Variants in SGSM2 observed in about 807,000 individuals in gnomAD.
SGSM2 encodes the protein RUN and TBC1 domain containing 1.
SGSM2 carries 89 observed loss-of-function variants against 126.6 expected under a neutral mutation model. The ratio of observed to expected loss-of-function variants is 0.70; its 90% CI spans 0.59 to 0.84. The LOEUF is 0.84. Among genes scored for constraint, SGSM2 ranks in the 40% least tolerant of loss-of-function variants. SGSM2 has a pLI of 0.00. For missense variants in SGSM2, 1,404 were observed against 1,416.6 expected (o/e 0.99, Z 0.14); for synonymous variants, 614 against 574.3 (o/e 1.07, Z -0.99).
chr17:2,364,815 C>G, intron 9 of SGSM2, 82 bp from the exon 10 acceptor site: 2 of 1,579,682 alleles, frequency 1.3e-6, no homozygotes, highest in Non-Finnish European at 1.7e-6. Flanking sequence ...CATCTGCCTC[C>G]TACCCAGCCT....
intron 1 of SGSM2, among the ~76,000 whole-genome samples, chr17:2,340,742 G>A (rs954477775): frequency 4.0e-4 from 61 of 151,652 alleles, no homozygotes; most frequent in Non-Finnish European, 7.4e-4. Context: ...CTGCCACCAC[G>A]CCCGGCTAAT....
Position 2,363,553 on chromosome 17 carries a change from C to CA in SGSM2, c.762dup (p.Arg255ThrfsTer179). On this transcript the variant is annotated frameshift_variant, in exon 7 of 24. Transcript: ENST00000268989. LOFTEE classifies it high-confidence loss of function. This position sits in a 1 kb window ranked among gnomAD's most constrained non-coding sequence, Gnocchi z 4.2. ...TGTGTGGAGTCCCTGCACCAGAACT[C>CA]ACGGACGCGGCTGCTCTATGGCAAG... 1.2e-6 allele frequency: 2 copies of CA among 1,613,570 alleles called. No individual in the cohort carries two copies. Among genetic ancestry groups the CA allele is most frequent in the East Asian group, 2.2e-5 (1 of 44,880 alleles).
intron 2 of SGSM2, among the ~76,000 whole-genome samples, chr17:2,360,964 A>G (rs2065283612): frequency 1.3e-5 from 2 of 152,142 alleles, no homozygotes; most frequent in Admixed American, 1.3e-4. Flanking sequence ...ACACACATAC[A>G]CACTCCTGTC....
intron 2 of SGSM2, among the ~76,000 whole-genome samples, chr17:2,360,752 T>A (rs1269680405): frequency 1.3e-5 from 2 of 152,100 alleles, no homozygotes; most frequent in African/African-American, 2.4e-5. Context: ...CACCTCCTTC[T>A]CCCCTCAGTG....
chr17:2,363,927 G>A lies in SGSM2; in HGVS notation c.808-132G>A, dbSNP rs1033538711. 3.1e-5 allele frequency: 34 copies of A among 1,097,858 alleles called. No homozygotes were observed. The highest frequency in any genetic ancestry group is 1.8e-4 in the South Asian group (13 of 70,500). The allele number at this position is 1,097,858 out of a possible 1,614,324, so 68.0% of individuals were successfully genotyped here. On this transcript the variant is annotated intron_variant, in intron 7 of 23. Transcript: ENST00000268989. The surrounding 1 kb of genome is among the most constrained non-coding windows in gnomAD (Gnocchi z 4.2). ...TCCTGTTTTCCTGTGCTTCTGCCCCGTCCCTAGTCCAGGACCCCGTGACTA... is the reference window on the plus strand; with the variant it reads ...TCCTGTTTTCCTGTGCTTCTGCCCCATCCCTAGTCCAGGACCCCGTGACTA...
intron 1 of SGSM2, among the ~76,000 whole-genome samples, chr17:2,338,439 C>G (rs914569049): frequency 6.6e-6 from 1 of 152,138 alleles, no homozygotes; most frequent in Admixed American, 6.5e-5. Context: ...ATTTCCATTT[C>G]GGGTGGGGGG....
chr17:2,365,478 TCTCAG>T, intron 11 of SGSM2, 137 bp downstream of exon 11: 4 of 1,048,988 alleles, frequency 3.8e-6, no homozygotes, highest in Non-Finnish European at 5.3e-6. Context: ...TCGCCTAGCC[TCTCAG>T]CTGGACCTTT....
intron 12 of SGSM2, 106 bp from the exon 13 acceptor site, chr17:2,371,156 T>G (rs1444924051): frequency 7.8e-7 from 1 of 1,287,200 alleles, no homozygotes; most frequent in Non-Finnish European, 1.0e-6. Context: ...TTTCCACCCA[T>G]GGGTGACTTG....
intron 1 of SGSM2, among the ~76,000 whole-genome samples, chr17:2,338,391 C>T (rs2064185026): frequency 6.6e-6 from 1 of 152,158 alleles, no homozygotes; most frequent in Non-Finnish European, 1.5e-5. Flanking sequence ...GTCCTTCCCT[C>T]TACTAACTCC....
rs552963901 is a variant in SGSM2 at position 2,364,753 on chromosome 17, G to A, written c.1000+90G>A. The A allele has an allele frequency of 5.6e-4, 877 of 1,562,900 alleles. 1 individual carries two copies. The highest frequency in any genetic ancestry group is 9.1e-4 in the Admixed American group (54 of 59,618). On this transcript the variant is annotated intron_variant, in intron 9 of 23. Coordinates refer to ENST00000268989, the MANE Select transcript of SGSM2 (RefSeq NM_014853.3). ...GTGCGTGGGGCCTGTAAGACTCCTC[G>A]TCCTCCTCCCATCCTTGTTAATGGG...
At chr17:2,375,931 C>T in intron 18 of SGSM2, 56 bp downstream of exon 18, 3 of 1,512,584 alleles carry the variant, frequency 2.0e-6, no homozygotes, top group Non-Finnish European at 2.6e-6. Flanking sequence ...TCCTGACATC[C>T]CAGAGCTGGG....
chr17:2,361,585 C>T (rs2065309768), intron 2 of SGSM2, 52 bp from the exon 3 acceptor site: 59 of 1,589,302 alleles, frequency 3.7e-5, no homozygotes, highest in Non-Finnish European at 4.5e-5. Context: ...AGCTTTTCTT[C>T]CTGCTCCCCC....
At chr17:2,373,116 TG>T in intron 16 of SGSM2, 35 bp downstream of exon 16, 2 of 1,586,982 alleles carry the variant, frequency 1.3e-6, no homozygotes, top group Non-Finnish European at 1.7e-6. Flanking sequence ...GCTGATGAGA[TG>T]GGGAGCTGGG....
chr17:2,351,343 G>T (rs944094543), intron 2 of SGSM2, among the ~76,000 whole-genome samples: 1 of 152,178 alleles, frequency 6.6e-6, no homozygotes, highest in Non-Finnish European at 1.5e-5. Flanking sequence ...TGCCTGTGAG[G>T]CCTACCCAGG....
intron 2 of SGSM2, among the ~76,000 whole-genome samples, chr17:2,354,650 A>G (rs1363841518): frequency 6.6e-6 from 1 of 152,208 alleles, no homozygotes; most frequent in Non-Finnish European, 1.5e-5. Context: ...GGGTTACTGG[A>G]TCAGAGGTTA....
chr17:2,376,204 G>A lies in SGSM2; in HGVS notation c.2552G>A (p.Arg851His), dbSNP rs1054051998. ...RIDKDVQRCD[R>H]NYWYFTPPNL... is the part of the protein sequence containing the mutation. ...GACAAGGATGTGCAGAGGTGTGACCGCAACTACTGGTACTTCACGCCCCCC... is the reference window on the plus strand; with the variant it reads ...GACAAGGATGTGCAGAGGTGTGACCACAACTACTGGTACTTCACGCCCCCC... Residue 851 changes from arginine (R) to histidine (H), a missense_variant, in exon 19 of 24, where the codon CGC becomes CAC. Coordinates refer to ENST00000268989, the MANE Select transcript of SGSM2 (RefSeq NM_014853.3). The A allele has an allele frequency of 2.5e-6, 4 of 1,613,918 alleles. No individual in the cohort carries two copies. Among genetic ancestry groups the A allele is most frequent in the African/African-American group, 2.7e-5 (2 of 74,894 alleles).
intron 22 of SGSM2, 150 bp from the exon 23 acceptor site, chr17:2,378,886 G>A (rs2066294421): frequency 3.3e-6 from 3 of 913,676 alleles, no homozygotes; most frequent in Non-Finnish European, 4.9e-6. Flanking sequence ...TTAGAGGCCT[G>A]TGAGCAGCCA....
intron 17 of SGSM2, chr17:2,374,493 C>A (rs1191116749): frequency 6.6e-6 from 1 of 152,162 alleles, no homozygotes; most frequent in Non-Finnish European, 1.5e-5. Flanking sequence ...GGGGGGACCA[C>A]CTGAGCCATG....
chr17:2,340,746 G>T (rs912768000), intron 1 of SGSM2, among the ~76,000 whole-genome samples: 1 of 151,706 alleles, frequency 6.6e-6, no homozygotes, highest in Admixed American at 6.6e-5. Flanking sequence ...CACCACGCCC[G>T]GCTAATTTTT....
Sources: allele counts gnomAD v4.1 joint callset (sites outside exome capture counted in the v4.1 genomes callset), GRCh38; gene constraint gnomAD v4.1.1; non-coding constraint Gnocchi (gnomAD v3.1); transcripts MANE v1.5; gene names NCBI Gene and HGNC (gene_info 2026-07-23, HGNC 2026-07-21).